The following PROX1 variants were observed in gnomAD, a reference collection of about 807,000 sequenced individuals.
PROX1 encodes prospero homeobox protein 1.
In PROX1, 7 loss-of-function variants were observed where a neutral mutation model predicts 58.8. That is an observed-to-expected ratio of 0.12 (90% confidence interval 0.07 to 0.22). PROX1 has a LOEUF of 0.22. Among genes scored for constraint, PROX1 ranks in the 10% least tolerant of loss-of-function variants. PROX1 has a pLI of 1.00. For missense variants in PROX1, 675 were observed against 927.8 expected, an observed-to-expected ratio of 0.73 and a Z score of 3.54; for synonymous variants, 350 against 358.3, an observed-to-expected ratio of 0.98 and a Z score of 0.26.
chr1:213,997,359 C>A lies in PROX1; in HGVS notation c.824C>A (p.Ser275Tyr). Residue 275 changes from serine to tyrosine, a missense_variant, in exon 2 of 5, where the codon TCT becomes TAT. Coordinates refer to ENST00000366958, the MANE Select transcript of PROX1 (RefSeq NM_001270616.2). The surrounding 1 kb of genome is among the most constrained non-coding windows in gnomAD (Gnocchi z 7.1). ...GAAAATGATGAAGATGGTAACCTGTCTGAAGACAGCATGCGCTCGGAGATC... is the reference window on the plus strand; with the variant it reads ...GAAAATGATGAAGATGGTAACCTGTATGAAGACAGCATGCGCTCGGAGATC... ...DSENDEDGNL[S>Y]EDSMRSEILD... 6.2e-7 allele frequency: 1 copy of A among 1,614,096 alleles called. No homozygotes were observed. The highest frequency in any genetic ancestry group is 8.5e-7 in the Non-Finnish European group (1 of 1,180,030).
Position 213,996,582 on chromosome 1 carries a change from G to A in PROX1, c.47G>A (p.Arg16Lys), listed in dbSNP as rs961356080. 3 of 1,614,136 alleles carry A rather than the reference G, an allele frequency of 1.9e-6. No individual in the cohort carries two copies. The highest frequency in any genetic ancestry group is 1.7e-6 in the Non-Finnish European group (2 of 1,180,030). Reference protein sequence around the residue: ...STALLSRQTKRRRVDIGVKRT... With the variant: ...STALLSRQTKKRRVDIGVKRT... ...GCCCTCTTAAGCCGGCAAACCAAGA[G>A]GAGAAGAGTTGACATTGGAGTGAAA... The change falls in exon 2 of 5, where the codon AGG (arginine) becomes AAG (lysine). Residue 16 changes from arginine to lysine, a missense_variant. Physicochemically the swap from Arg to Lys is conservative, Grantham distance 26. Coordinates refer to ENST00000366958, the MANE Select transcript of PROX1 (RefSeq NM_001270616.2).
intron 4 of PROX1, among the ~76,000 whole-genome samples, chr1:214,013,102 A>G (rs1663972132): frequency 6.6e-6 from 1 of 151,498 alleles, no homozygotes; most frequent in African/African-American, 2.4e-5. Flanking sequence ...AGACTAATAT[A>G]TTTTTTGCCA....
intron 4 of PROX1, among the ~76,000 whole-genome samples, chr1:214,027,347 G>A (rs144831263): frequency 5.9e-5 from 9 of 152,192 alleles, no homozygotes; most frequent in East Asian, 3.9e-4. Context: ...CAAGAAGGCC[G>A]ATTGCCCATC....
intron 2 of PROX1, among the ~76,000 whole-genome samples, chr1:213,999,319 G>A (rs538152007): frequency 7.0e-4 from 106 of 152,182 alleles, no homozygotes; most frequent in African/African-American, 2.5e-3. Flanking sequence ...GCAGGTGGAG[G>A]CATGTTTCTT....
Position 213,997,866 on chromosome 1 carries a change from G to A in PROX1, c.1331G>A (p.Arg444His), listed in dbSNP as rs868611779. 2 of 1,612,794 alleles carry A rather than the reference G, an allele frequency of 1.2e-6. No individual in the cohort carries two copies. The highest frequency in any genetic ancestry group is 1.7e-6 in the Non-Finnish European group (2 of 1,179,340). Residue 444 changes from arginine (R) to histidine (H), a missense_variant, in exon 2 of 5, where the codon CGC (arginine) becomes CAC (histidine). Arg to His is a conservative substitution (Grantham distance 29). This residue lies in a region of PROX1 where 403 missense variants were observed against 477.4 expected (regional missense o/e 0.84). Coordinates refer to ENST00000366958, the MANE Select transcript of PROX1 (RefSeq NM_001270616.2). This position sits in a 1 kb window ranked among gnomAD's most constrained non-coding sequence, Gnocchi z 7.1. ...DQTEALPLVVRKNSSDQSASG... is the reference protein window; with the variant it reads ...DQTEALPLVVHKNSSDQSASG... ...ACAGAAGCACTGCCCCTGGTTGTCCGCAAAAACTCCTCTGACCAGTCTGCC... is the reference window on the plus strand; with the variant it reads ...ACAGAAGCACTGCCCCTGGTTGTCCACAAAAACTCCTCTGACCAGTCTGCC...
At chr1:214,034,413 C>T (rs1047648976) in intron 4 of PROX1, among the ~76,000 whole-genome samples, 2 of 152,210 alleles carry the variant, frequency 1.3e-5, no homozygotes, top group South Asian at 2.1e-4. Flanking sequence ...ACCTATGATA[C>T]GTTTATGTCC....
rs751861068 is a variant in PROX1, at chr1:214,035,840, T to TCAA, written c.*11_*13dup. The TCAA allele has an allele frequency of 3.1e-6, 5 of 1,604,676 alleles. No homozygotes were observed. In the African/African-American group the frequency reaches 6.7e-5, roughly 22 times the overall value. Reference sequence around the variant, plus strand: ...AAGAGCTGCTTCATGAGTAGAAATTTCAACAACTCTTTTTGAATGTATGAA... The same window carrying TCAA: ...AAGAGCTGCTTCATGAGTAGAAATTTCAACAACAACTCTTTTTGAATGTATGAA... On this transcript the variant is annotated 3_prime_UTR_variant, in exon 5 of 5. Coordinates refer to ENST00000366958, the MANE Select transcript of PROX1 (RefSeq NM_001270616.2).
intron 4 of PROX1, among the ~76,000 whole-genome samples, chr1:214,019,215 C>G (rs1664197971): frequency 6.6e-6 from 1 of 152,096 alleles, no homozygotes. Flanking sequence ...TTGAGATGGC[C>G]CATTGACTGC....
intron 1 of PROX1, among the ~76,000 whole-genome samples, chr1:213,993,486 GC>G (rs1473440715): frequency 6.6e-6 from 1 of 152,128 alleles, no homozygotes; most frequent in Non-Finnish European, 1.5e-5. Context: ...TATCATGGAA[GC>G]ACTTGGGAAA....
chr1:214,015,007 C>T (rs894914354), intron 4 of PROX1, among the ~76,000 whole-genome samples: 1 of 152,090 alleles, frequency 6.6e-6, no homozygotes, highest in Admixed American at 6.5e-5. Flanking sequence ...TCTCCTAGAC[C>T]CTGCATTTCC....
At chr1:213,983,755 T>C (rs1431733289), upstream of PROX1, 1 of 152,286 alleles carries the variant, frequency 6.6e-6, no homozygotes, top group Non-Finnish European at 1.5e-5. Context: ...TCCAGCTTCT[T>C]CGCTACTATG....
At position 214,011,605 on chromosome 1, in the gene PROX1, C is replaced by T. The variant is rs748531565; in HGVS notation, c.1918C>T (p.Arg640Cys). The change falls in exon 4 of 5, where the codon CGT becomes TGT. Residue 640 changes from arginine to cysteine, a missense_variant. This residue lies in a region of PROX1 where 50 missense variants were observed against 79.3 expected (regional missense o/e 0.63). Coordinates refer to ENST00000366958, the MANE Select transcript of PROX1 (RefSeq NM_001270616.2). ...CTACATTCAGATGGAGAAGTACGCA[C>T]GTCAAGCCATCAACGATGGGGTCAC... The part of the protein sequence containing the change: ...FYYIQMEKYA[R>C]QAINDGVTST... 3 of 1,614,038 alleles carry T rather than the reference C, an allele frequency of 1.9e-6. No individual in the cohort carries two copies. Among genetic ancestry groups the T allele is most frequent in the Non-Finnish European group, 2.5e-6 (3 of 1,179,926 alleles).
chr1:213,989,782 G>A (rs548766869), intron 1 of PROX1: 1 of 152,386 alleles, frequency 6.6e-6, no homozygotes, highest in East Asian at 1.9e-4. Flanking sequence ...TAAAGGAGGA[G>A]TAAGTAGCTT....
intron 3 of PROX1, among the ~76,000 whole-genome samples, chr1:214,009,826 G>A (rs1360018567): frequency 6.6e-6 from 1 of 152,060 alleles, no homozygotes; most frequent in African/African-American, 2.4e-5. Flanking sequence ...CCATGTCAAA[G>A]CAATTTTCAT....
chr1:213,997,853 C>T lies in PROX1; in HGVS notation c.1318C>T (p.Pro440Ser). 1 of 1,613,634 alleles carries T rather than the reference C, an allele frequency of 6.2e-7. No homozygotes were observed. The highest frequency in any genetic ancestry group is 8.5e-7 in the Non-Finnish European group (1 of 1,179,752). ...ASSTDQTEAL[P>S]LVVRKNSSDQ... ...TTCCACTGACCAGACAGAAGCACTGCCCCTGGTTGTCCGCAAAAACTCCTC... is the reference window on the plus strand; with the variant it reads ...TTCCACTGACCAGACAGAAGCACTGTCCCTGGTTGTCCGCAAAAACTCCTC... The change falls in exon 2 of 5, where the codon CCC becomes TCC. Residue 440 changes from proline (P) to serine (S), a missense_variant. Pro to Ser is a moderately conservative substitution (Grantham distance 74). Around this residue, in one of 8 missense-constraint regions of PROX1, gnomAD observed 403 missense variants for 477.4 expected, o/e 0.84. Coordinates refer to ENST00000366958, the MANE Select transcript of PROX1 (RefSeq NM_001270616.2). The surrounding 1 kb of genome is among the most constrained non-coding windows in gnomAD (Gnocchi z 7.1).
chr1:214,002,726 C>T (rs1392637559), intron 2 of PROX1, among the ~76,000 whole-genome samples: 1 of 152,152 alleles, frequency 6.6e-6, no homozygotes, highest in African/African-American at 2.4e-5. Flanking sequence ...GTGTAAGTAT[C>T]CTGGAAACAG....
chr1:214,027,344 G>A (rs1664493939), intron 4 of PROX1, among the ~76,000 whole-genome samples: 1 of 152,016 alleles, frequency 6.6e-6, no homozygotes, highest in Non-Finnish European at 1.5e-5. Flanking sequence ...TGGCAAGAAG[G>A]CCGATTGCCC....
chr1:214,005,310 A>T (rs373240268), intron 3 of PROX1, 38 bp downstream of exon 3: 1 of 1,502,420 alleles, frequency 6.7e-7, no homozygotes, highest in South Asian at 1.2e-5. Flanking sequence ...TTCATTTTCT[A>T]TGCATGTGGC....
In PROX1 at chr1:214,041,046, A is replaced by G. The variant is rs879113788; in HGVS notation, c.*5212A>G. ...TACTAAATTTTAAAACAGGAAAAAA[A>G]AAAGTTGTTGTGGGGAGGGTGGGAA... On this transcript the variant is annotated 3_prime_UTR_variant, in exon 5 of 5. Coordinates refer to ENST00000366958, the MANE Select transcript of PROX1 (RefSeq NM_001270616.2). 6.6e-6 allele frequency: 1 copy of G among 152,160 alleles called. No homozygotes were observed. Among genetic ancestry groups the G allele is most frequent in the African/African-American group, 2.4e-5 (1 of 41,456 alleles). The allele number at this position is 152,160 out of a possible 1,614,324, so 9.4% of individuals were successfully genotyped here. A position where few individuals can be genotyped will look rare whatever the true frequency, so the allele number is the denominator to read the frequency against.
Sources: gnomAD v4.1 joint callset for allele counts (sites outside exome capture counted in the v4.1 genomes callset) on GRCh38, gnomAD v4.1.1 for gene constraint, gnomAD v4.1.1 regional missense constraint, Gnocchi (gnomAD v3.1) non-coding constraint, MANE v1.5 for transcripts, NCBI Gene and HGNC (gene_info 2026-07-23, HGNC 2026-07-21) for gene names.